Variants in PPP3R1 observed in about 807,000 individuals in gnomAD.
The protein encoded by PPP3R1 is calcineurin subunit B type 1.
PPP3R1 carries 5 observed loss-of-function variants against 22.6 expected under a neutral mutation model. The ratio of observed to expected loss-of-function variants is 0.22; its 90% CI spans 0.12 to 0.46. The LOEUF (loss-of-function observed/expected upper bound fraction) is 0.46, where lower values mean the gene tolerates loss of function less well. Ranked by LOEUF, PPP3R1 falls within the 20% of genes least tolerant of loss-of-function variation. PPP3R1 has a pLI of 0.99. For missense variants in PPP3R1, 61 were observed against 203.2 expected (o/e 0.30, Z 4.25); for synonymous variants, 56 against 65.2 (o/e 0.86, Z 0.68).
At chr2:68,198,305 G>A (rs1674856751) in intron 2 of PPP3R1, among the ~76,000 whole-genome samples, 2 of 142,076 alleles carry the variant, frequency 1.4e-5, no homozygotes, top group African/African-American at 5.3e-5. Flanking sequence ...ATGTATACAT[G>A]TATACATATA....
At chr2:68,240,137 G>A (rs536964670) in intron 1 of PPP3R1, among the ~76,000 whole-genome samples, 27 of 152,258 alleles carry the variant, frequency 1.8e-4, no homozygotes, top group African/African-American at 5.8e-4. Flanking sequence ...CGTAAGTCAA[G>A]GAGCATTTGT....
At chr2:68,190,255 T>TA (rs34117344) in intron 2 of PPP3R1, among the ~76,000 whole-genome samples, 336 of 25,116 alleles carry the variant, frequency 0.013, 1 homozygote, top group South Asian at 0.056. Context: ...AAGTTTCTCT[T>TA]AAAAAAAAAA....
Position 68,194,239 on chromosome 2 carries a change from G to T in PPP3R1, c.44-5549C>A, listed in dbSNP as rs1223295489. Among the ~76,000 whole-genome samples, 5 of 152,144 alleles carry T rather than the reference G, an allele frequency of 3.3e-5. No homozygotes were observed. The East Asian group carries it at 9.7e-4, about 29-fold the overall frequency. On this transcript the variant is annotated intron_variant, in intron 2 of 5. Coordinates refer to ENST00000234310, the MANE Select transcript of PPP3R1 (RefSeq NM_000945.4). ...TAAAACATAAAAAGTTACTAATAAG[G>T]AATTGGTAGATTGTTTATACAGAAA...
intron 2 of PPP3R1, among the ~76,000 whole-genome samples, chr2:68,196,634 A>C (rs1674781163): frequency 6.6e-6 from 1 of 152,172 alleles, no homozygotes; most frequent in Non-Finnish European, 1.5e-5. Context: ...GAGCTCCTAG[A>C]TTTCTTACAT....
intron 2 of PPP3R1, among the ~76,000 whole-genome samples, chr2:68,192,026 T>A (rs946835130): frequency 6.6e-6 from 1 of 152,178 alleles, no homozygotes; most frequent in African/African-American, 2.4e-5. Context: ...AGGTGCTTAA[T>A]TATGGTTTTA....
At chr2:68,221,549 TA>T (rs545011606) in intron 1 of PPP3R1, among the ~76,000 whole-genome samples, 38 of 152,164 alleles carry the variant, frequency 2.5e-4, no homozygotes, top group Non-Finnish European at 4.3e-4. Flanking sequence ...ATGACTTTGT[TA>T]TGTGAATTTC....
chr2:68,182,088 C>CCACA (rs1217295547), intron 5 of PPP3R1, among the ~76,000 whole-genome samples: 5 of 115,686 alleles, frequency 4.3e-5, no homozygotes, highest in Non-Finnish European at 7.3e-5. Flanking sequence ...CCTCCCCCCA[C>CCACA]CACACACACA....
Position 68,180,894 on chromosome 2 carries a change from G to A in PPP3R1, c.*69C>T. On this transcript the variant is annotated 3_prime_UTR_variant, in exon 6 of 6. Transcript: ENST00000234310. The stretch of plus-strand genomic sequence containing the variant: ...TTTAAATACACAGAGAGCATTGCTG[G>A]ACGTCTTGAGCAGATCTTCAGAGAT... 6.9e-7 allele frequency: 1 copy of A among 1,447,016 alleles called. No individual in the cohort carries two copies. The highest frequency in any genetic ancestry group is 1.2e-5 in the South Asian group (1 of 85,590). The allele number at this position is 1,447,016 out of a possible 1,614,324, so 89.6% of individuals were successfully genotyped here.
At chr2:68,188,799 A>G in intron 2 of PPP3R1, 109 bp from the exon 3 acceptor site, 1 of 842,982 alleles carries the variant, frequency 1.2e-6, no homozygotes, top group Non-Finnish European at 1.7e-6. Flanking sequence ...ATAGGGGGGA[A>G]AAAAAATCTA....
chr2:68,180,394 T>G lies in PPP3R1; in HGVS notation c.*569A>C, dbSNP rs1674377305. 1 of 152,644 alleles carries G rather than the reference T, an allele frequency of 6.6e-6. No homozygotes were observed. The highest frequency in any genetic ancestry group is 6.5e-5 in the Admixed American group (1 of 15,282). The allele number at this position is 152,644 out of a possible 1,614,324, so 9.5% of individuals were successfully genotyped here. A position where few individuals can be genotyped will look rare whatever the true frequency, so the allele number is the denominator to read the frequency against. On this transcript the variant is annotated 3_prime_UTR_variant, in exon 6 of 6. Coordinates refer to ENST00000234310, the MANE Select transcript of PPP3R1 (RefSeq NM_000945.4). Reference sequence around the variant, plus strand: ...TGTAATTAAGGTAAATAATAGGACGTTAACAAATGCTTTGTCAATCTCTCA... The same window carrying G: ...TGTAATTAAGGTAAATAATAGGACGGTAACAAATGCTTTGTCAATCTCTCA...
chr2:68,252,168 G>C lies in PPP3R1; in HGVS notation c.-41C>G. 3.6e-6 allele frequency: 5 copies of C among 1,395,848 alleles called. No individual in the cohort carries two copies. Among genetic ancestry groups the C allele is most frequent in the Non-Finnish European group, 4.8e-6 (5 of 1,052,606 alleles). The allele number at this position is 1,395,848 out of a possible 1,614,324, so 86.5% of individuals were successfully genotyped here. A position where few individuals can be genotyped will look rare whatever the true frequency, so the allele number is the denominator to read the frequency against. The stretch of plus-strand genomic sequence containing the variant: ...GGCGGCTCGCTGGCTCGCTGGCTCG[G>C]AGAAGTGTTGCGCTCAGGCTGGCTC... On this transcript the variant is annotated 5_prime_UTR_variant, in exon 1 of 6. Coordinates refer to ENST00000234310, the MANE Select transcript of PPP3R1 (RefSeq NM_000945.4).
At chr2:68,206,602 T>C (rs1221479095) in intron 2 of PPP3R1, among the ~76,000 whole-genome samples, 1 of 152,226 alleles carries the variant, frequency 6.6e-6, no homozygotes. Flanking sequence ...ATTCTAATCC[T>C]ACACAGCTTT....
rs1314205246 is a variant in PPP3R1 at position 68,186,644 on chromosome 2, G to A, written c.289C>T (p.Arg97Cys). ...DKEQKLRFAF[R>C]IYDMDKDGYI... ...CCATCTTTATCCATGTCATAGATAC[G>A]GAAAGCAACTAAAAAAAAGGAAGGA... is the stretch of plus-strand genomic sequence containing the variant. Residue 97 changes from arginine to cysteine, a missense_variant, in exon 5 of 6, where the codon CGT becomes TGT. Coordinates refer to ENST00000234310, the MANE Select transcript of PPP3R1 (RefSeq NM_000945.4). 3.1e-6 allele frequency: 5 copies of A among 1,601,596 alleles called. No homozygotes were observed. Among genetic ancestry groups the A allele is most frequent in the East Asian group, 2.2e-5 (1 of 44,542 alleles).
intron 1 of PPP3R1, among the ~76,000 whole-genome samples, chr2:68,236,430 A>G (rs1454913678): frequency 6.6e-6 from 1 of 152,190 alleles, no homozygotes; most frequent in Non-Finnish European, 1.5e-5. Flanking sequence ...ATCTAAAACA[A>G]TGCCAACAAC....
intron 2 of PPP3R1, among the ~76,000 whole-genome samples, chr2:68,196,082 A>C (rs1294759281): frequency 6.6e-6 from 1 of 152,128 alleles, no homozygotes; most frequent in African/African-American, 2.4e-5. Flanking sequence ...TCTATCTTAG[A>C]GGTGTTTTGG....
intron 3 of PPP3R1, among the ~76,000 whole-genome samples, chr2:68,187,940 C>T (rs1674582281): frequency 1.3e-5 from 2 of 151,540 alleles, no homozygotes; most frequent in Admixed American, 6.6e-5. Flanking sequence ...GGTTGAGGCA[C>T]GTGGATCACT....
chr2:68,209,040 C>T (rs1669402770), intron 2 of PPP3R1, among the ~76,000 whole-genome samples: 1 of 140,636 alleles, frequency 7.1e-6, no homozygotes, highest in African/African-American at 2.7e-5. Context: ...TCATAGGTAT[C>T]ACCATTTTTT....
intron 1 of PPP3R1, among the ~76,000 whole-genome samples, chr2:68,228,411 G>A (rs1331952716): frequency 2.0e-5 from 3 of 152,128 alleles, no homozygotes; most frequent in Non-Finnish European, 2.9e-5. Flanking sequence ...GAAGAGGTGT[G>A]ATAGTTTGTG....
chr2:68,184,789 T>A (rs1054390131), intron 5 of PPP3R1, among the ~76,000 whole-genome samples: 1 of 152,164 alleles, frequency 6.6e-6, no homozygotes, highest in Admixed American at 6.5e-5. Flanking sequence ...AAAAAGCAAC[T>A]GATTACAAAT....
Sources: allele counts gnomAD v4.1 joint callset (sites outside exome capture counted in the v4.1 genomes callset), GRCh38; gene constraint gnomAD v4.1.1; transcripts MANE v1.5; gene names NCBI Gene and HGNC (gene_info 2026-07-23, HGNC 2026-07-21).